The following CYTH3 variants were observed in gnomAD, a reference collection of about 807,000 sequenced individuals.
CYTH3 encodes cytohesin 3, also known as cytohesin-3.
In CYTH3, 23 loss-of-function variants were observed where a neutral mutation model predicts 55.1. The observed-to-expected ratio is 0.42, with a 90% CI of 0.30 to 0.59. CYTH3 has a LOEUF of 0.59. Ranked by LOEUF, CYTH3 falls within the 20% of genes least tolerant of loss-of-function variation. The pLI is 0.20. For missense variants in CYTH3, 413 were observed against 524.8 expected, an observed-to-expected ratio of 0.79 and a Z score of 2.08; for synonymous variants, 249 against 194.9, an observed-to-expected ratio of 1.28 and a Z score of -2.31.
At chr7:6,197,812 C>A (rs1271616122) in intron 1 of CYTH3, among the ~76,000 whole-genome samples, 1 of 152,108 alleles carries the variant, frequency 6.6e-6, no homozygotes, top group Non-Finnish European at 1.5e-5. Context: ...ACGTATTTGG[C>A]CAGGTGTAAT....
chr7:6,234,460 C>A (rs890093392), intron 1 of CYTH3, among the ~76,000 whole-genome samples: 1 of 152,156 alleles, frequency 6.6e-6, no homozygotes, highest in African/African-American at 2.4e-5. Context: ...AAAAGGAACA[C>A]GATTTACTGA....
At chr7:6,261,682 C>G (rs140158824) in intron 1 of CYTH3, among the ~76,000 whole-genome samples, 1 of 135,434 alleles carries the variant, frequency 7.4e-6, no homozygotes, top group Non-Finnish European at 1.6e-5. Context: ...AGAGTGAGAC[C>G]CTGTCTCAAA....
chr7:6,220,040 C>T (rs181309445), intron 1 of CYTH3, among the ~76,000 whole-genome samples: 3 of 151,960 alleles, frequency 2.0e-5, no homozygotes, highest in Non-Finnish European at 4.4e-5. Flanking sequence ...GCATGCACCA[C>T]CACACCCAGC....
intron 1 of CYTH3, among the ~76,000 whole-genome samples, chr7:6,271,042 T>A (rs1780636244): frequency 6.6e-6 from 1 of 152,094 alleles, no homozygotes; most frequent in Non-Finnish European, 1.5e-5. Flanking sequence ...ATGCCCAAAT[T>A]GTGACAGGCA....
intron 1 of CYTH3, among the ~76,000 whole-genome samples, chr7:6,265,633 A>G (rs56242997): frequency 0.16 from 23,350 of 149,310 alleles, 2,506 homozygotes; most frequent in Non-Finnish European, 0.24. Context: ...AAAAAAAAAA[A>G]AAGAAGAAGA....
intron 3 of CYTH3, 33 bp downstream of exon 3, chr7:6,187,624 A>C: frequency 6.3e-7 from 1 of 1,578,690 alleles, no homozygotes; most frequent in Non-Finnish European, 8.7e-7. Context: ...AGAAAAGAGT[A>C]AATAGCTTAA....
rs1284748704 is a variant in CYTH3 at position 6,255,479 on chromosome 7, T to C, written c.34+16995A>G. Among the ~76,000 whole-genome samples, 7 of 152,194 alleles carry C rather than the reference T, an allele frequency of 4.6e-5. No individual in the cohort carries two copies. In the East Asian group the frequency reaches 5.8e-4, roughly 13 times the overall value. ...CTCCAATCCCACAGGACTAAGACTA[T>C]TTAGGAAGGAATGGCTACATAGTTA... On this transcript the variant is annotated intron_variant, in intron 1 of 12. Transcript: ENST00000350796.
chr7:6,253,752 G>A (rs1490607541), intron 1 of CYTH3, among the ~76,000 whole-genome samples: 3 of 152,090 alleles, frequency 2.0e-5, no homozygotes, highest in Non-Finnish European at 4.4e-5. Context: ...GGAGGCGGAA[G>A]TTGCAGTGAG....
intron 1 of CYTH3, among the ~76,000 whole-genome samples, chr7:6,258,312 CAA>C (rs1203222006): frequency 1.6e-5 from 2 of 123,048 alleles, no homozygotes; most frequent in Non-Finnish European, 1.7e-5. Context: ...GACACAGTCT[CAA>C]AAAAAAAAAA....
At chr7:6,177,774 G>A in intron 5 of CYTH3, 49 bp downstream of exon 5, 1 of 1,424,740 alleles carries the variant, frequency 7.0e-7, no homozygotes, top group Non-Finnish European at 9.9e-7. Flanking sequence ...AGGTCAAGCT[G>A]CAGGGCTGAG....
At chr7:6,234,766 T>G (rs1779475228) in intron 1 of CYTH3, among the ~76,000 whole-genome samples, 1 of 152,190 alleles carries the variant, frequency 6.6e-6, no homozygotes, top group Non-Finnish European at 1.5e-5. Context: ...GATCAACCCT[T>G]GGAGTTCTAC....
chr7:6,210,580 T>C (rs1274556941), intron 1 of CYTH3, among the ~76,000 whole-genome samples: 2 of 152,252 alleles, frequency 1.3e-5, no homozygotes, highest in African/African-American at 2.4e-5. Context: ...TTATAACTAA[T>C]TTCCTATATC....
chr7:6,191,470 TCA>T (rs1351426956), intron 1 of CYTH3, among the ~76,000 whole-genome samples: 2 of 151,784 alleles, frequency 1.3e-5, no homozygotes, highest in South Asian at 2.1e-4. Context: ...ATGTTATCAA[TCA>T]CACATATTTT....
In CYTH3 at chr7:6,167,323, T is replaced by TG. The variant is rs1783039375; in HGVS notation, c.824-1514dup. 1.3e-5 allele frequency among the ~76,000 whole-genome samples: 2 copies of TG among 152,084 alleles called. No individual in the cohort carries two copies. The highest frequency in any genetic ancestry group is 4.8e-5 in the African/African-American group (2 of 41,414). ...TGTCCCACAGTCCTCCAGTGAGCAGTGAGAGGTGTTCTATGTCCCCGAGAC... is the reference window on the plus strand; with the variant it reads ...TGTCCCACAGTCCTCCAGTGAGCAGTGGAGAGGTGTTCTATGTCCCCGAGAC... On this transcript the variant is annotated intron_variant, in intron 9 of 12. Transcript: ENST00000350796. The surrounding 1 kb of genome is among the most constrained non-coding windows in gnomAD (Gnocchi z 5.5).
At chr7:6,247,477 T>C (rs1779850153) in intron 1 of CYTH3, among the ~76,000 whole-genome samples, 1 of 152,212 alleles carries the variant, frequency 6.6e-6, no homozygotes, top group African/African-American at 2.4e-5. Flanking sequence ...TTGTTTCTGT[T>C]CTATTTGTTT....
chr7:6,188,085 G>A (rs1783700864), intron 2 of CYTH3, among the ~76,000 whole-genome samples: 1 of 152,154 alleles, frequency 6.6e-6, no homozygotes, highest in African/African-American at 2.4e-5. Context: ...CCAGCATTTT[G>A]GGAGGTTGAA....
chr7:6,186,922 C>A, intron 4 of CYTH3, 128 bp downstream of exon 4: 1 of 913,040 alleles, frequency 1.1e-6, no homozygotes, highest in Non-Finnish European at 1.7e-6. Flanking sequence ...TAAAAATGTG[C>A]CTTCAACTCC....
intron 1 of CYTH3, among the ~76,000 whole-genome samples, chr7:6,259,615 C>T (rs1780226461): frequency 1.4e-5 from 2 of 147,752 alleles, no homozygotes; most frequent in South Asian, 4.2e-4. Flanking sequence ...GGGTACCTGA[C>T]ATTAACTATA....
intron 1 of CYTH3, among the ~76,000 whole-genome samples, chr7:6,269,505 C>A (rs1377567593): frequency 1.3e-5 from 2 of 152,120 alleles, no homozygotes; most frequent in African/African-American, 2.4e-5. Flanking sequence ...CAGGGATGGT[C>A]CATTCAGGAC....
Sources: gnomAD v4.1 joint callset for allele counts (sites outside exome capture counted in the v4.1 genomes callset) on GRCh38, gnomAD v4.1.1 for gene constraint, Gnocchi (gnomAD v3.1) non-coding constraint, MANE v1.5 for transcripts, NCBI Gene and HGNC (gene_info 2026-07-23, HGNC 2026-07-21) for gene names.